FBN3: variants seen among roughly 807,000 people sequenced by gnomAD.
FBN3 encodes the protein fibrillin-3.
Under a neutral mutation model 330.1 loss-of-function variants are expected in FBN3, and 234 were observed. The ratio of observed to expected loss-of-function variants is 0.71; its 90% CI spans 0.64 to 0.79. The LOEUF (loss-of-function observed/expected upper bound fraction) is 0.79. Among genes scored for constraint, FBN3 ranks in the 30% least tolerant of loss-of-function variants. The pLI is 0.00. For synonymous variants in FBN3, 1,458 were observed against 1,517.3 expected, an observed-to-expected ratio of 0.96 and a Z score of 0.91; for missense variants, 3,606 against 3,886.9, an observed-to-expected ratio of 0.93 and a Z score of 1.92.
In FBN3 at chr19:8,096,765, C is replaced by T. The variant is rs2082218233; in HGVS notation, c.5413+116G>A. 7.4e-7 allele frequency: 1 copy of T among 1,348,384 alleles called. No homozygotes were observed. Among genetic ancestry groups the T allele is most frequent in the Non-Finnish European group, 1.0e-6 (1 of 981,214 alleles). The allele number at this position is 1,348,384 out of a possible 1,614,324, so 83.5% of individuals were successfully genotyped here. The stretch of plus-strand genomic sequence containing the variant: ...ATTAACAGACACTCTCAATACATCC[C>T]CCACCCCCCTAATAGTATAGAAAAG... On this transcript the variant is annotated intron_variant, in intron 43 of 63. Coordinates refer to ENST00000600128, the MANE Select transcript of FBN3 (RefSeq NM_032447.5). The surrounding 1 kb of genome is among the most constrained non-coding windows in gnomAD (Gnocchi z 4.6).
rs183340885 is a variant in FBN3 at position 8,132,691 on chromosome 19, C to T, written c.1714+293G>A. On this transcript the variant is annotated intron_variant, in intron 14 of 63. Transcript: ENST00000600128. Reference sequence around the variant, plus strand: ...ATTTTTAGTAGAGATGGGGTTTCACCATTTTGGCCAGGCTGGTCTTGAACT... The same window carrying T: ...ATTTTTAGTAGAGATGGGGTTTCACTATTTTGGCCAGGCTGGTCTTGAACT... 3.3e-5 allele frequency among the ~76,000 whole-genome samples: 5 copies of T among 151,922 alleles called. No individual in the cohort carries two copies. In the East Asian group the frequency reaches 7.8e-4, roughly 24 times the overall value.
intron 48 of FBN3, 131 bp downstream of exon 48, chr19:8,091,334 G>T: frequency 8.0e-7 from 1 of 1,245,196 alleles, no homozygotes; most frequent in Non-Finnish European, 1.1e-6. Context: ...CTCTGCTAAT[G>T]CAAACAGACA....
chr19:8,143,815 CTTT>C (rs2083471495), intron 6 of FBN3, among the ~76,000 whole-genome samples: 1 of 137,892 alleles, frequency 7.3e-6, no homozygotes, highest in African/African-American at 2.8e-5. Flanking sequence ...TTCTTTCTTT[CTTT>C]CTTTTTTTTT....
At chr19:8,106,068 C>G (rs201470303) in intron 38 of FBN3, 40 bp downstream of exon 38, 13 of 1,608,914 alleles carry the variant, frequency 8.1e-6, no homozygotes, top group Non-Finnish European at 9.3e-6. Context: ...AGGGAGAGAG[C>G]GGAAGAGCCT....
intron 63 of FBN3, among the ~76,000 whole-genome samples, chr19:8,069,187 T>G (rs1473210923): frequency 6.6e-6 from 1 of 152,178 alleles, no homozygotes; most frequent in Non-Finnish European, 1.5e-5. Context: ...GCTTCCGCTG[T>G]GCTTCCTGCA....
intron 56 of FBN3, among the ~76,000 whole-genome samples, chr19:8,085,009 C>A (rs2081903450): frequency 6.6e-6 from 1 of 152,048 alleles, no homozygotes; most frequent in African/African-American, 2.4e-5. Flanking sequence ...TCTTCAGCCT[C>A]CCAAAGTGCT....
chr19:8,133,178 C>A, intron 13 of FBN3, 72 bp from the exon 14 acceptor site: 1 of 1,475,356 alleles, frequency 6.8e-7, no homozygotes, highest in Non-Finnish European at 9.0e-7. Context: ...CCTCCAGGCT[C>A]CAGGGCTGAC....
At chr19:8,145,497 A>T (rs1303467930) in intron 5 of FBN3, among the ~76,000 whole-genome samples, 2 of 151,522 alleles carry the variant, frequency 1.3e-5, no homozygotes, top group African/African-American at 4.8e-5. Context: ...TGGCTAACAC[A>T]GTGAAACCCC....
intron 39 of FBN3, 26 bp downstream of exon 39, chr19:8,103,536 G>C (rs1341519209): frequency 1.9e-6 from 3 of 1,607,936 alleles, no homozygotes; most frequent in Middle Eastern, 1.7e-4. Flanking sequence ...GTGACTGCCA[G>C]TTCCCTAGGT....
rs190567288 is a variant in FBN3, at chr19:8,147,560, C to A, written c.-17-63G>T. ...CCCACCCTAGCCATGGGGGACCCAACACAACGAGGAGGGCAGGGTGGTTGC... is the reference window on the plus strand; with the variant it reads ...CCCACCCTAGCCATGGGGGACCCAAAACAACGAGGAGGGCAGGGTGGTTGC... On this transcript the variant is annotated intron_variant, in intron 1 of 63. Coordinates refer to ENST00000600128, the MANE Select transcript of FBN3 (RefSeq NM_032447.5). 466 of 1,357,920 alleles carry A rather than the reference C, an allele frequency of 3.4e-4. 3 individuals carry two copies. In the East Asian group the frequency reaches 0.012, roughly 34 times the overall value. The allele number at this position is 1,357,920 out of a possible 1,614,324, so 84.1% of individuals were successfully genotyped here. A position where few individuals can be genotyped will look rare whatever the true frequency, so the allele number is the denominator to read the frequency against.
intron 54 of FBN3, 63 bp from the exon 55 acceptor site, chr19:8,086,388 C>T: frequency 3.8e-6 from 5 of 1,317,346 alleles, no homozygotes; most frequent in Non-Finnish European, 5.3e-6. Context: ...TCTCCCACAG[C>T]CCCAAAGGGC....
Position 8,084,736 on chromosome 19 carries a change from G to A in FBN3, c.7087+627C>T, listed in dbSNP as rs111766226. Among the ~76,000 whole-genome samples, 81 of 151,624 alleles carry A rather than the reference G, an allele frequency of 5.3e-4. No individual in the cohort carries two copies. The Middle Eastern group carries it at 0.02, about 38-fold the overall frequency. ...CGAGTAACTGGGATTACAGACACAC[G>A]CCACCAAATCCAGCTAATTTTTTGT... On this transcript the variant is annotated intron_variant, in intron 56 of 63. Transcript: ENST00000600128.
Position 8,066,021 on chromosome 19 carries a change from C to T in FBN3, c.8328G>A (p.Glu2776=), listed in dbSNP as rs2145318207. The change falls in exon 64 of 64, where the codon GAG becomes GAA. Residue 2776 remains glutamate (E), a synonymous_variant. Transcript: ENST00000600128. ...RRPGPGTYRL[E]VVSHMAGPWG... is the part of the protein sequence containing the mutation. ...AGGGTCCTGCCATGTGGCTCACCAC[C>T]TCCAGCCGGTAGGTTCCAGGCCCCG... 2.5e-6 allele frequency: 4 copies of T among 1,613,068 alleles called. No homozygotes were observed. Among genetic ancestry groups the T allele is most frequent in the Non-Finnish European group, 3.4e-6 (4 of 1,180,024 alleles).
chr19:8,081,018 G>A lies in FBN3; in HGVS notation c.7438C>T (p.His2480Tyr). Residue 2480 changes from histidine (H) to tyrosine (Y), a missense_variant, in exon 59 of 64, where the codon CAC (histidine) becomes TAC (tyrosine). Physicochemically the swap from His to Tyr is moderately conservative, Grantham distance 83. Transcript: ENST00000600128. Reference protein sequence around the residue: ...CRCPPGFTQHHQACFDNDECS... With the variant: ...CRCPPGFTQHYQACFDNDECS... The stretch of plus-strand genomic sequence containing the variant: ...GGTCACTCACCGAAGCAGGCCTGGT[G>A]GTGCTGGGTGAAGCCGGGCGGACAG... 1 of 1,611,996 alleles carries A rather than the reference G, an allele frequency of 6.2e-7. No homozygotes were observed. The highest frequency in any genetic ancestry group is 8.5e-7 in the Non-Finnish European group (1 of 1,179,110).
chr19:8,079,227 G>C (rs2081716049), intron 59 of FBN3, among the ~76,000 whole-genome samples: 1 of 152,138 alleles, frequency 6.6e-6, no homozygotes, highest in Non-Finnish European at 1.5e-5. Flanking sequence ...CCGGGCAACA[G>C]AGTCATTAAG....
intron 14 of FBN3, among the ~76,000 whole-genome samples, chr19:8,132,387 C>G (rs374826473): frequency 2.0e-5 from 3 of 151,658 alleles, no homozygotes; most frequent in East Asian, 3.9e-4. Flanking sequence ...GACTATGTTG[C>G]TCAGGCTGGT....
Position 8,131,821 on chromosome 19 carries a change from C to T in FBN3, c.1723G>A (p.Glu575Lys), listed in dbSNP as rs563052098. 7.5e-6 allele frequency: 12 copies of T among 1,591,956 alleles called. No homozygotes were observed. In the South Asian group the frequency reaches 9.0e-5, roughly 12 times the overall value. ...PGGHYCMDID[E>K]CQTPGICVNG... ...ACGCAGATGCCGGGCGTCTGGCACT[C>T]GTCAATGTCTGCAGAAGCAGTGGCG... Residue 575 changes from glutamate (E) to lysine (K), a missense_variant, in exon 15 of 64, where the codon GAG becomes AAG. Coordinates refer to ENST00000600128, the MANE Select transcript of FBN3 (RefSeq NM_032447.5). The surrounding 1 kb of genome is among the most constrained non-coding windows in gnomAD (Gnocchi z 4.5).
intron 14 of FBN3, among the ~76,000 whole-genome samples, 181 bp downstream of exon 14, chr19:8,132,803 C>T (rs1211913233): frequency 1.3e-5 from 2 of 152,144 alleles, no homozygotes; most frequent in East Asian, 3.9e-4. Context: ...TTCTTTTCTT[C>T]CTTTTCTTCT....
At chr19:8,098,610 T>C (rs1478442668) in intron 41 of FBN3, among the ~76,000 whole-genome samples, 2 of 150,442 alleles carry the variant, frequency 1.3e-5, no homozygotes, top group Admixed American at 1.3e-4. Context: ...ACATACTAAG[T>C]GTCCATCAAT....
Sources: gnomAD v4.1 joint callset for allele counts (sites outside exome capture counted in the v4.1 genomes callset) on GRCh38, gnomAD v4.1.1 for gene constraint, Gnocchi (gnomAD v3.1) non-coding constraint, MANE v1.5 for transcripts, NCBI Gene and HGNC (gene_info 2026-07-23, HGNC 2026-07-21) for gene names.